Variants in VNN1 observed in about 807,000 individuals in gnomAD.
VNN1 encodes pantetheinase.
A neutral mutation model predicts 41.9 loss-of-function variants in VNN1; 29 were observed. That is an observed-to-expected ratio of 0.69 (90% confidence interval 0.52 to 0.94). The LOEUF is 0.94. VNN1 is among the 40% of genes least tolerant of loss of function. VNN1 has a pLI of 0.00. For synonymous variants in VNN1, 233 were observed against 224.4 expected (o/e 1.04, Z -0.34); for missense variants, 637 against 621.1 (o/e 1.03, Z -0.27).
In VNN1 at chr6:132,684,423, A is replaced by T; in HGVS notation, c.1271T>A (p.Met424Lys). 9.3e-6 allele frequency: 15 copies of T among 1,614,096 alleles called. No individual in the cohort carries two copies. Among genetic ancestry groups the T allele is most frequent in the Non-Finnish European group, 1.3e-5 (15 of 1,179,972 alleles). ...TCCGAAAGTGCCACTGAGGGAGAAC[A>T]TTTCAAACCTGGTAGAAGCTGTTTC... is the stretch of plus-strand genomic sequence containing the variant. The part of the protein sequence containing the change: ...SAETASTRFE[M>K]FSLSGTFGTQ... Residue 424 changes from methionine to lysine, a missense_variant, in exon 6 of 7, where the codon ATG becomes AAG. Transcript: ENST00000367928.
intron 2 of VNN1, 23 bp from the exon 3 acceptor site, chr6:132,694,205 A>G: frequency 6.5e-7 from 1 of 1,544,126 alleles, no homozygotes; most frequent in Non-Finnish European, 8.7e-7. Context: ...TATTGGAGGA[A>G]AAAAATCTTT....
intron 1 of VNN1, among the ~76,000 whole-genome samples, chr6:132,712,481 A>T (rs531732972): frequency 2.0e-5 from 3 of 152,116 alleles, no homozygotes; most frequent in Non-Finnish European, 4.4e-5. Context: ...TAATCCTGCC[A>T]TTGTTGTTTC....
At chr6:132,686,175 A>C (rs1293008643) in intron 5 of VNN1, among the ~76,000 whole-genome samples, 2 of 152,200 alleles carry the variant, frequency 1.3e-5, no homozygotes, top group African/African-American at 4.8e-5. Context: ...GGCTGGGAGC[A>C]GTGGCTCCCA....
intron 5 of VNN1, among the ~76,000 whole-genome samples, chr6:132,688,459 T>C (rs1283475570): frequency 1.3e-5 from 2 of 152,116 alleles, no homozygotes; most frequent in Non-Finnish European, 2.9e-5. Flanking sequence ...TTGACAAAGC[T>C]AACCTACCTC....
intron 2 of VNN1, among the ~76,000 whole-genome samples, chr6:132,701,456 A>G (rs1026425419): frequency 2.0e-5 from 3 of 152,240 alleles, no homozygotes; most frequent in Non-Finnish European, 4.4e-5. Context: ...GGAATGGGGA[A>G]AAGCTGAAAG....
intron 5 of VNN1, among the ~76,000 whole-genome samples, chr6:132,687,764 T>C (rs1778228304): frequency 1.3e-5 from 2 of 152,118 alleles, no homozygotes; most frequent in Non-Finnish European, 1.5e-5. Context: ...AAAATGATAT[T>C]GTGGAAAAAT....
At chr6:132,707,648 A>G (rs1431183436) in intron 2 of VNN1, among the ~76,000 whole-genome samples, 1 of 152,246 alleles carries the variant, frequency 6.6e-6, no homozygotes, top group East Asian at 1.9e-4. Flanking sequence ...TATGTGAAAT[A>G]ACGTAAGTTA....
chr6:132,692,697 GT>G, intron 4 of VNN1, 113 bp from the exon 5 acceptor site: 1 of 1,340,406 alleles, frequency 7.5e-7, no homozygotes, highest in Non-Finnish European at 9.8e-7. Flanking sequence ...TAAGTTATAT[GT>G]TTTATTAATT....
Position 132,693,229 on chromosome 6 carries a change from G to A in VNN1, c.621C>T (p.Gly207=), listed in dbSNP as rs1343186496. 1.2e-6 allele frequency: 2 copies of A among 1,614,086 alleles called. No individual in the cohort carries two copies. Among genetic ancestry groups the A allele is most frequent in the Admixed American group, 1.7e-5 (1 of 60,002 alleles). Residue 207 remains glycine, a synonymous_variant, in exon 4 of 7, where the codon GGC becomes GGT. Coordinates refer to ENST00000367928, the MANE Select transcript of VNN1 (RefSeq NM_004666.3). ...AGAGTATATCAAAGCATGTGAAAATGCCAAAACTTCCAAAGGTGGTATTGA... is the reference window on the plus strand; with the variant it reads ...AGAGTATATCAAAGCATGTGAAAATACCAAAACTTCCAAAGGTGGTATTGA... The part of the protein sequence containing the change: ...VTFNTTFGSF[G]IFTCFDILFH...
intron 4 of VNN1, 72 bp downstream of exon 4, chr6:132,692,952 A>G (rs1320142803): frequency 1.4e-6 from 2 of 1,468,574 alleles, no homozygotes; most frequent in East Asian, 2.4e-5. Flanking sequence ...TGCGTTAGCT[A>G]GAAAAACATG....
intron 1 of VNN1, 133 bp from the exon 2 acceptor site, chr6:132,711,972 A>T: frequency 1.1e-6 from 1 of 881,570 alleles, no homozygotes; most frequent in Non-Finnish European, 1.5e-6. Flanking sequence ...TTTATAATTT[A>T]TTTTCTTTTC....
intron 5 of VNN1, among the ~76,000 whole-genome samples, chr6:132,686,454 C>A (rs1254254413): frequency 6.6e-6 from 1 of 151,720 alleles, no homozygotes; most frequent in African/African-American, 2.4e-5. Flanking sequence ...TCAAAAAAAA[C>A]AAAGTTTATC....
chr6:132,690,433 A>G (rs375803868), intron 5 of VNN1, among the ~76,000 whole-genome samples: 1 of 152,120 alleles, frequency 6.6e-6, no homozygotes. Flanking sequence ...TGCTCTTCAC[A>G]CCACAAAGAA....
At chr6:132,710,731 T>A (rs753401292) in intron 2 of VNN1, among the ~76,000 whole-genome samples, 3 of 152,248 alleles carry the variant, frequency 2.0e-5, no homozygotes, top group Non-Finnish European at 4.4e-5. Context: ...TGTAGTGTTC[T>A]GTGGTATATA....
intron 2 of VNN1, among the ~76,000 whole-genome samples, chr6:132,702,070 C>A (rs1462290714): frequency 1.3e-5 from 2 of 152,206 alleles, no homozygotes; most frequent in Non-Finnish European, 2.9e-5. Flanking sequence ...ACTTGAAAGG[C>A]AGTCTAGGCC....
intron 2 of VNN1, among the ~76,000 whole-genome samples, chr6:132,695,255 C>T (rs757049761): frequency 7.2e-5 from 11 of 152,140 alleles, no homozygotes; most frequent in Non-Finnish European, 1.6e-4. Context: ...ATAACAATTG[C>T]ACTGTTGGAA....
At chr6:132,707,353 A>C (rs1778534106) in intron 2 of VNN1, among the ~76,000 whole-genome samples, 1 of 152,170 alleles carries the variant, frequency 6.6e-6, no homozygotes, top group South Asian at 2.1e-4. Flanking sequence ...GGGAATGCAA[A>C]TTAGTACAGT....
intron 5 of VNN1, among the ~76,000 whole-genome samples, chr6:132,686,773 AG>A (rs1778215081): frequency 6.6e-6 from 1 of 152,212 alleles, no homozygotes; most frequent in Non-Finnish European, 1.5e-5. Flanking sequence ...AGCAGATAAA[AG>A]CAACTTGAAG....
intron 5 of VNN1, among the ~76,000 whole-genome samples, chr6:132,684,784 C>T (rs1462174818): frequency 6.6e-6 from 1 of 151,838 alleles, no homozygotes; most frequent in Non-Finnish European, 1.5e-5. Flanking sequence ...GCCTATGCCA[C>T]TTTATTTGGT....
Sources: allele counts gnomAD v4.1 joint callset (sites outside exome capture counted in the v4.1 genomes callset), GRCh38; gene constraint gnomAD v4.1.1; transcripts MANE v1.5; gene names NCBI Gene and HGNC (gene_info 2026-07-23, HGNC 2026-07-21).